NEXMIF: variants seen among roughly 807,000 people sequenced by gnomAD.
The protein encoded by NEXMIF is neurite extension and migration factor.
In NEXMIF, 8 loss-of-function variants were observed where a neutral mutation model predicts 62.1. The ratio of observed to expected loss-of-function variants is 0.13; its 90% confidence interval spans 0.08 to 0.23. The LOEUF (loss-of-function observed/expected upper bound fraction) is 0.23, where lower values mean the gene tolerates loss of function less well. Ranked by LOEUF, NEXMIF falls within the 10% of genes least tolerant of loss-of-function variation. NEXMIF has a pLI of 1.00. For missense variants in NEXMIF, 976 were observed against 1,113.3 expected (o/e 0.88, Z 1.75); for synonymous variants, 404 against 416.6 (o/e 0.97, Z 0.37).
chrX:74,801,012 AT>A (rs34329046), intron 1 of NEXMIF, among the ~76,000 whole-genome samples: 16 of 110,049 alleles, frequency 1.5e-4, no homozygotes, highest in South Asian at 1.1e-3. Context: ...TAACCACTGA[AT>A]TTTTTTTTGT....
At chrX:74,843,413 C>CA (rs1441376907) in intron 1 of NEXMIF, among the ~76,000 whole-genome samples, 1 of 101,134 alleles carries the variant, frequency 9.9e-6, no homozygotes, top group Non-Finnish European at 2.0e-5. Flanking sequence ...TTGGGTCTTG[C>CA]TTTTTTTTTT....
intron 1 of NEXMIF, among the ~76,000 whole-genome samples, chrX:74,771,371 G>T (rs1456435240): frequency 9.0e-6 from 1 of 110,504 alleles, no homozygotes; most frequent in Non-Finnish European, 1.9e-5. Context: ...TGTATAATCT[G>T]GGCTGTGGAA....
intron 1 of NEXMIF, among the ~76,000 whole-genome samples, chrX:74,793,591 T>TCC (rs1411589995): frequency 9.0e-6 from 1 of 111,015 alleles, no homozygotes; most frequent in African/African-American, 3.3e-5. Context: ...GGTTCCATTC[T>TCC]CCCCGTCACT....
intron 1 of NEXMIF, among the ~76,000 whole-genome samples, chrX:74,797,347 G>A (rs1470652314): frequency 2.7e-5 from 3 of 111,946 alleles, no homozygotes; most frequent in African/African-American, 9.7e-5. Context: ...ATATACCAGT[G>A]TTGATTTCTT....
chrX:74,810,249 C>T (rs2080356417), intron 1 of NEXMIF, among the ~76,000 whole-genome samples: 4 of 111,442 alleles, frequency 3.6e-5, no homozygotes, highest in Admixed American at 2.9e-4. Flanking sequence ...TTAATAAATG[C>T]TAGACTTCAA....
chrX:74,860,389 C>T (rs1158626798), intron 1 of NEXMIF, among the ~76,000 whole-genome samples: 1 of 111,895 alleles, frequency 8.9e-6, no homozygotes, highest in Non-Finnish European at 1.9e-5. Context: ...ATTTATTCTG[C>T]ACAATAGACC....
intron 1 of NEXMIF, among the ~76,000 whole-genome samples, chrX:74,847,314 T>C (rs2080495250): frequency 8.9e-6 from 1 of 111,897 alleles, no homozygotes; most frequent in Admixed American, 9.5e-5. Flanking sequence ...GTCATAGAAG[T>C]GGATTCCTTG....
At chrX:74,873,934 T>C (rs2147506340) in intron 1 of NEXMIF, among the ~76,000 whole-genome samples, 1 of 111,447 alleles carries the variant, frequency 9.0e-6, no homozygotes, top group Non-Finnish European at 1.9e-5. Context: ...TTCTCCCATT[T>C]TGTAGGCTGC....
chrX:74,921,339 A>G (rs1016945221), intron 1 of NEXMIF, among the ~76,000 whole-genome samples: 4 of 110,904 alleles, frequency 3.6e-5, no homozygotes, highest in Non-Finnish European at 5.7e-5. Flanking sequence ...CACTTTCCCA[A>G]CTGACGACAC....
intron 1 of NEXMIF, among the ~76,000 whole-genome samples, chrX:74,828,800 T>C (rs1314794054): frequency 9.0e-6 from 1 of 111,713 alleles, no homozygotes; most frequent in African/African-American, 3.3e-5. Context: ...AAAATTTCAT[T>C]TTCACTACAG....
chrX:74,753,471 T>G (rs1384316837), intron 1 of NEXMIF, among the ~76,000 whole-genome samples: 1 of 112,111 alleles, frequency 8.9e-6, no homozygotes, highest in East Asian at 2.8e-4. Flanking sequence ...ATGTAAGTTA[T>G]CAATAAAAAT....
At chrX:74,796,218 TATACATATATAA>T (rs2080309355) in intron 1 of NEXMIF, among the ~76,000 whole-genome samples, 2 of 70,200 alleles carry the variant, frequency 2.8e-5, no homozygotes, top group African/African-American at 1.2e-4. Flanking sequence ...ATTATATATA[TATACATATATAA>T]TATATATATA....
intron 1 of NEXMIF, among the ~76,000 whole-genome samples, chrX:74,840,879 T>C (rs1311702007): frequency 8.9e-6 from 1 of 112,057 alleles, no homozygotes; most frequent in East Asian, 2.8e-4. Context: ...TTTTGGTTAC[T>C]GTAGCCCTGT....
chrX:74,898,752 A>T (rs1388295514), intron 1 of NEXMIF, among the ~76,000 whole-genome samples: 3 of 111,552 alleles, frequency 2.7e-5, no homozygotes, highest in African/African-American at 9.7e-5. Flanking sequence ...ATTCCACAAA[A>T]GACTGTTATA....
intron 1 of NEXMIF, among the ~76,000 whole-genome samples, chrX:74,750,196 T>C (rs2080137843): frequency 9.0e-6 from 1 of 111,662 alleles, no homozygotes; most frequent in Non-Finnish European, 1.9e-5. Flanking sequence ...TAAGTAGAAC[T>C]ACATAGGTGT....
At chrX:74,822,504 A>G (rs2080400440) in intron 1 of NEXMIF, among the ~76,000 whole-genome samples, 1 of 112,370 alleles carries the variant, frequency 8.9e-6, no homozygotes, top group Admixed American at 9.4e-5. Context: ...GATAAGGAAC[A>G]TGTATCTAGA....
chrX:74,920,652 T>C (rs1349949127), intron 1 of NEXMIF, among the ~76,000 whole-genome samples: 2 of 112,120 alleles, frequency 1.8e-5, no homozygotes, highest in Non-Finnish European at 3.8e-5. Flanking sequence ...TTGTCAATTT[T>C]GTTTTTTGTT....
chrX:74,879,822 T>G (rs1157905593), intron 1 of NEXMIF, among the ~76,000 whole-genome samples: 1 of 112,245 alleles, frequency 8.9e-6, no homozygotes, highest in Non-Finnish European at 1.9e-5. Context: ...CATATATAGG[T>G]GAACCTCAGT....
At chrX:74,876,628 G>T (rs1231344671) in intron 1 of NEXMIF, among the ~76,000 whole-genome samples, 2 of 101,112 alleles carry the variant, frequency 2.0e-5, no homozygotes, top group African/African-American at 7.3e-5. Context: ...GGGAGTCTAA[G>T]TCTCTTTGTA....
Sources: gnomAD v4.1 joint callset for allele counts (sites outside exome capture counted in the v4.1 genomes callset) on GRCh38, gnomAD v4.1.1 for gene constraint, MANE v1.5 for transcripts, NCBI Gene and HGNC (gene_info 2026-07-23, HGNC 2026-07-21) for gene names.